Variants in HDGFL3 observed in about 807,000 individuals in gnomAD.
HDGFL3 encodes the protein hepatoma-derived growth factor-related protein 3.
HDGFL3 carries 6 observed loss-of-function variants against 27.6 expected under a neutral mutation model. The ratio of observed to expected loss-of-function variants is 0.22; its 90% CI spans 0.12 to 0.43. HDGFL3 has a LOEUF of 0.43. HDGFL3 is among the 20% of genes least tolerant of loss of function. The probability of loss-of-function intolerance (pLI) is 1.00; values close to 1 mark genes in which losing one functional copy is unlikely to be tolerated. For missense variants in HDGFL3, 207 were observed against 250.1 expected, an observed-to-expected ratio of 0.83 and a Z score of 1.16; for synonymous variants, 88 against 88.9, an observed-to-expected ratio of 0.99 and a Z score of 0.05.
At chr15:83,154,233 G>A (rs2036999256) in intron 4 of HDGFL3, among the ~76,000 whole-genome samples, 1 of 151,956 alleles carries the variant, frequency 6.6e-6, no homozygotes, top group South Asian at 2.1e-4. Context: ...CTACTGGGGA[G>A]GCTGAGGTGG....
downstream of HDGFL3, among the ~76,000 whole-genome samples, chr15:83,123,038 T>G (rs1381279081): frequency 6.6e-6 from 1 of 152,232 alleles, no homozygotes; most frequent in African/African-American, 2.4e-5. Context: ...ACGTATTAAT[T>G]AATGTAGGCA....
intron 5 of HDGFL3, among the ~76,000 whole-genome samples, chr15:83,144,361 T>G (rs2036848426): frequency 6.6e-6 from 1 of 152,226 alleles, no homozygotes; most frequent in Non-Finnish European, 1.5e-5. Context: ...TCTTGTGTAA[T>G]CACCGCCCCT....
rs1251719512 is a variant in HDGFL3 at position 83,136,132 on chromosome 15, GAA to G, written c.*3136_*3137del. ...TGCAGGATCTCCAGAACGCAAATCA[GAA>G]AAAAATTTGAGATTTTATTCAGATT... On this transcript the variant is annotated 3_prime_UTR_variant, in exon 6 of 6. Coordinates refer to ENST00000299633, the MANE Select transcript of HDGFL3 (RefSeq NM_016073.4). 1 of 175,342 alleles carries G rather than the reference GAA, an allele frequency of 5.7e-6. No individual in the cohort carries two copies. The highest frequency in any genetic ancestry group is 1.2e-5 in the Non-Finnish European group (1 of 84,064). The allele number at this position is 175,342 out of a possible 1,614,324, so 10.9% of individuals were successfully genotyped here. A position where few individuals can be genotyped will look rare whatever the true frequency, so the allele number is the denominator to read the frequency against.
chr15:83,199,522 C>T (rs562590849), intron 1 of HDGFL3, among the ~76,000 whole-genome samples: 3 of 152,194 alleles, frequency 2.0e-5, no homozygotes, highest in African/African-American at 7.2e-5. Flanking sequence ...AGAAATTTTC[C>T]AGTCCCCATA....
intron 5 of HDGFL3, among the ~76,000 whole-genome samples, chr15:83,140,994 C>T (rs1008326478): frequency 6.6e-6 from 1 of 152,114 alleles, no homozygotes; most frequent in Non-Finnish European, 1.5e-5. Context: ...TAAGGACATG[C>T]TTTTTGTGGT....
At chr15:83,181,187 A>G (rs906129254) in intron 1 of HDGFL3, among the ~76,000 whole-genome samples, 1 of 152,192 alleles carries the variant, frequency 6.6e-6, no homozygotes, top group Non-Finnish European at 1.5e-5. Flanking sequence ...GTCATGATAT[A>G]CCTAGAACTT....
chr15:83,197,252 C>T (rs1337537088), intron 1 of HDGFL3, among the ~76,000 whole-genome samples: 3 of 152,140 alleles, frequency 2.0e-5, no homozygotes, highest in Non-Finnish European at 2.9e-5. Flanking sequence ...TTAATCTAAT[C>T]TTATTTCTTT....
chr15:83,159,198 A>G (rs2037067540), intron 2 of HDGFL3, among the ~76,000 whole-genome samples: 1 of 152,216 alleles, frequency 6.6e-6, no homozygotes, highest in South Asian at 2.1e-4. Flanking sequence ...TAAGAAAAAA[A>G]TTAGAAGTGA....
downstream of HDGFL3, chr15:83,126,807 A>C: frequency 6.2e-7 from 1 of 1,614,062 alleles, no homozygotes; most frequent in Non-Finnish European, 8.5e-7. Context: ...CAATTTCAAG[A>C]GCCCTATCTA....
intron 1 of HDGFL3, among the ~76,000 whole-genome samples, chr15:83,203,918 G>A (rs757103245): frequency 9.3e-5 from 14 of 150,022 alleles, no homozygotes; most frequent in Middle Eastern, 3.2e-3. Context: ...AAACAAAAGC[G>A]ATCAGAGACT....
At chr15:83,114,309 C>T (rs764290925) in exon 4 of HDGFL3, 6 of 152,342 alleles carry the variant, frequency 3.9e-5, no homozygotes, top group Non-Finnish European at 7.3e-5. Flanking sequence ...CAGGGTGAGG[C>T]TCAAGGCCAG....
Position 83,136,915 on chromosome 15 carries a change from T to C in HDGFL3, c.*2355A>G, listed in dbSNP as rs956602556. The C allele has an allele frequency of 9.5e-6, 3 of 315,336 alleles. No homozygotes were observed. The Admixed American group carries it at 1.3e-4, about 14-fold the overall frequency. The allele number at this position is 315,336 out of a possible 1,614,324, so 19.5% of individuals were successfully genotyped here. On this transcript the variant is annotated 3_prime_UTR_variant, in exon 6 of 6. Transcript: ENST00000299633. ...AATCATTTGTGAATAAACTTGATCATCCATCTCAATATTGTTTGACATATA... is the reference window on the plus strand; with the variant it reads ...AATCATTTGTGAATAAACTTGATCACCCATCTCAATATTGTTTGACATATA...
At chr15:83,154,023 C>T (rs886142872) in intron 4 of HDGFL3, among the ~76,000 whole-genome samples, 4 of 151,748 alleles carry the variant, frequency 2.6e-5, no homozygotes, top group Non-Finnish European at 4.4e-5. Context: ...AAGAAATAGA[C>T]ATAAAAACAG....
intron 2 of HDGFL3, among the ~76,000 whole-genome samples, chr15:83,161,442 T>A (rs1274292089): frequency 6.6e-6 from 1 of 152,210 alleles, no homozygotes; most frequent in East Asian, 1.9e-4. Flanking sequence ...ATTACAGGCA[T>A]GAACCACTGC....
In HDGFL3 at chr15:83,151,367, T is replaced by C. The variant is rs750832402; in HGVS notation, c.460-6A>G. The C allele has an allele frequency of 6.3e-7, 1 of 1,599,074 alleles. No individual in the cohort carries two copies. The highest frequency in any genetic ancestry group is 8.5e-7 in the Non-Finnish European group (1 of 1,174,866). ...CGGGACTGTTTAGAGGATTTCTAAA[T>C]GTTTAGACAAGTTAAATATTATAGT... On this transcript the variant is annotated splice_polypyrimidine_tract_variant and splice_region_variant and intron_variant, in intron 4 of 5. Transcript: ENST00000299633.
rs775252289 is a variant in HDGFL3 at position 83,139,002 on chromosome 15, G to A, written c.*268C>T. On this transcript the variant is annotated 3_prime_UTR_variant, in exon 6 of 6. Transcript: ENST00000299633. ...GGATCCTAGACATGTATAAGTCTGC[G>A]CAAAAATCTTGATAATCCTTAGTGG... 36 of 278,648 alleles carry A rather than the reference G, an allele frequency of 1.3e-4. No individual in the cohort carries two copies. Among genetic ancestry groups the A allele is most frequent in the Non-Finnish European group, 2.2e-4 (33 of 148,658 alleles). The allele number at this position is 278,648 out of a possible 1,614,324, so 17.3% of individuals were successfully genotyped here. A position where few individuals can be genotyped will look rare whatever the true frequency, so the allele number is the denominator to read the frequency against.
chr15:83,115,122 CT>C (rs913490363), exon 4 of HDGFL3: 361 of 146,162 alleles, frequency 2.5e-3, no homozygotes, highest in Non-Finnish European at 3.1e-3. Context: ...AAGTCATTGT[CT>C]TTTTTTTTTT....
intron 1 of HDGFL3, among the ~76,000 whole-genome samples, chr15:83,200,856 C>CTTTTTTTTTTTTTTTTTTTTTTTT (rs200038603): frequency 8.3e-6 from 1 of 120,176 alleles, no homozygotes; most frequent in Non-Finnish European, 1.8e-5. Flanking sequence ...TTACTTTATT[C>CTTTTTTTTTTTTTTTTTTTTTTTT]TTTTTTTTTT....
rs956275836 is a variant in HDGFL3, at chr15:83,139,192, T to C, written c.*78A>G. On this transcript the variant is annotated 3_prime_UTR_variant, in exon 6 of 6. Coordinates refer to ENST00000299633, the MANE Select transcript of HDGFL3 (RefSeq NM_016073.4). ...AACAAGGACTATGTGTTGGTTCATA[T>C]CAAATCCAAGAATATTAGACAACCA... 130 of 1,023,362 alleles carry C rather than the reference T, an allele frequency of 1.3e-4. 1 individual carries two copies. Among genetic ancestry groups the C allele is most frequent in the Non-Finnish European group, 1.7e-4 (125 of 742,454 alleles). The allele number at this position is 1,023,362 out of a possible 1,614,324, so 63.4% of individuals were successfully genotyped here.
Sources: gnomAD v4.1 joint callset for allele counts (sites outside exome capture counted in the v4.1 genomes callset) on GRCh38, gnomAD v4.1.1 for gene constraint, MANE v1.5 for transcripts, NCBI Gene and HGNC (gene_info 2026-07-23, HGNC 2026-07-21) for gene names.